FAM135B: variants seen among roughly 807,000 people sequenced by gnomAD.
The protein encoded by FAM135B is protein FAM135B.
FAM135B carries 43 observed loss-of-function variants against 127.7 expected under a neutral mutation model. The observed-to-expected ratio is 0.34, with a 90% CI of 0.26 to 0.43. The LOEUF (loss-of-function observed/expected upper bound fraction) is 0.43, where lower values mean the gene tolerates loss of function less well. FAM135B is among the 20% of genes least tolerant of loss of function. The probability of loss-of-function intolerance (pLI) is 1.00; values close to 1 mark genes in which losing one functional copy is unlikely to be tolerated. For missense variants in FAM135B, 1,558 were observed against 1,725.6 expected (o/e 0.90, Z 1.72); for synonymous variants, 670 against 665.1 (o/e 1.01, Z -0.11).
At chr8:138,257,620 T>C (rs1563828199) in intron 4 of FAM135B, among the ~76,000 whole-genome samples, 1 of 152,016 alleles carries the variant, frequency 6.6e-6, no homozygotes, top group Non-Finnish European at 1.5e-5. Flanking sequence ...CTTGGTCTCC[T>C]CCTCATTCAC....
intron 1 of FAM135B, among the ~76,000 whole-genome samples, chr8:138,455,055 A>G (rs1019193584): frequency 2.0e-5 from 3 of 152,252 alleles, no homozygotes; most frequent in African/African-American, 7.2e-5. Flanking sequence ...CAAGCCATTC[A>G]GAGTGTAAAT....
chr8:138,390,117 G>T (rs1832459755), intron 1 of FAM135B, among the ~76,000 whole-genome samples: 1 of 152,096 alleles, frequency 6.6e-6, no homozygotes, highest in African/African-American at 2.4e-5. Context: ...TGGAATATTT[G>T]GGGACATACT....
chr8:138,136,063 A>T (rs1816635587), intron 19 of FAM135B, among the ~76,000 whole-genome samples: 1 of 152,094 alleles, frequency 6.6e-6, no homozygotes, highest in African/African-American at 2.4e-5. Context: ...TCAGAAAAAA[A>T]GAATCATTTT....
intron 2 of FAM135B, among the ~76,000 whole-genome samples, chr8:138,335,692 T>A (rs201126485): frequency 4.6e-5 from 7 of 152,050 alleles, no homozygotes; most frequent in Non-Finnish European, 4.4e-5. Context: ...CATTAGACAG[T>A]TCAACGAGAC....
At chr8:138,291,435 C>T (rs1023600889) in intron 3 of FAM135B, among the ~76,000 whole-genome samples, 2 of 152,190 alleles carry the variant, frequency 1.3e-5, no homozygotes, top group Non-Finnish European at 1.5e-5. Context: ...CACTTCCAAA[C>T]TCATTTTTTG....
intron 1 of FAM135B, among the ~76,000 whole-genome samples, chr8:138,424,414 AGT>A (rs1464817529): frequency 3.9e-5 from 6 of 152,240 alleles, no homozygotes; most frequent in Admixed American, 3.3e-4. Context: ...TTCCCACAAC[AGT>A]GAGAAAGACA....
At chr8:138,216,145 T>C (rs736) in intron 7 of FAM135B, among the ~76,000 whole-genome samples, 113,692 of 152,014 alleles carry the variant, frequency 0.75, 42,662 homozygotes, top group East Asian at 0.83. Flanking sequence ...TCATATCAAC[T>C]CCAGGAATAG....
intron 1 of FAM135B, among the ~76,000 whole-genome samples, chr8:138,447,390 G>A (rs62527831): frequency 6.6e-6 from 1 of 152,102 alleles, no homozygotes; most frequent in East Asian, 1.9e-4. Flanking sequence ...CAATAGCAAA[G>A]ACTTGGAACC....
At chr8:138,285,742 C>G (rs1052168955) in intron 3 of FAM135B, among the ~76,000 whole-genome samples, 4 of 152,140 alleles carry the variant, frequency 2.6e-5, no homozygotes, top group Non-Finnish European at 2.9e-5. Context: ...TTTATTGTGT[C>G]TTAAACTTTA....
chr8:138,197,945 A>G (rs549567614), intron 7 of FAM135B, among the ~76,000 whole-genome samples: 1 of 152,302 alleles, frequency 6.6e-6, no homozygotes, highest in South Asian at 2.1e-4. Flanking sequence ...ATAAAATAGC[A>G]ACAATAATAA....
At chr8:138,261,182 C>T (rs1273202642) in intron 4 of FAM135B, among the ~76,000 whole-genome samples, 2 of 152,108 alleles carry the variant, frequency 1.3e-5, no homozygotes, top group Admixed American at 1.3e-4. Context: ...AAGCCCACCT[C>T]TGTCTGAATC....
intron 2 of FAM135B, among the ~76,000 whole-genome samples, chr8:138,346,222 C>A (rs887394151): frequency 1.3e-5 from 2 of 152,186 alleles, no homozygotes; most frequent in African/African-American, 4.8e-5. Flanking sequence ...ATTAGTTCAA[C>A]CATTGTGGAA....
chr8:138,348,888 A>C (rs1829595032), intron 2 of FAM135B, among the ~76,000 whole-genome samples: 1 of 152,252 alleles, frequency 6.6e-6, no homozygotes, highest in Non-Finnish European at 1.5e-5. Flanking sequence ...CAGGTTTGTC[A>C]ACACGTGCCC....
rs1443586925 is a variant in FAM135B at position 138,310,895 on chromosome 8, T to G, written c.103A>C (p.Lys35Gln). The G allele has an allele frequency of 1.2e-6, 2 of 1,613,600 alleles. No homozygotes were observed. The highest frequency in any genetic ancestry group is 4.5e-5 in the East Asian group (2 of 44,864). ...CTGTGGGGGATCCTTGAAGACACCT[T>G]CAAGGTCACTCGGATCTGGTAATAC... Reference protein sequence around the residue: ...RGYYQIRVTLKVSSRIPHRLS... With the variant: ...RGYYQIRVTLQVSSRIPHRLS... Residue 35 changes from lysine to glutamine, a missense_variant, in exon 3 of 20, where the codon AAG becomes CAG. Transcript: ENST00000395297.
In FAM135B at chr8:138,130,214, T is replaced by G. The variant is rs1816089452; in HGVS notation, c.*2379A>C. On this transcript the variant is annotated 3_prime_UTR_variant, in exon 20 of 20. Coordinates refer to ENST00000395297, the MANE Select transcript of FAM135B (RefSeq NM_015912.4). ...ATAATATATATTTATATATATTTTA[T>G]GTATATATATTTATATATTCGATAT... 1 of 149,652 alleles carries G rather than the reference T, an allele frequency of 6.7e-6. No individual in the cohort carries two copies. Among genetic ancestry groups the G allele is most frequent in the South Asian group, 2.1e-4 (1 of 4,806 alleles). The allele number at this position is 149,652 out of a possible 1,614,324, so 9.3% of individuals were successfully genotyped here.
intron 1 of FAM135B, among the ~76,000 whole-genome samples, chr8:138,485,521 T>C (rs1376071037): frequency 2.0e-5 from 3 of 152,242 alleles, no homozygotes; most frequent in Non-Finnish European, 4.4e-5. Context: ...ATAGAAGCTG[T>C]TTAATTTTAT....
At chr8:138,372,257 C>T (rs564496669) in intron 1 of FAM135B, among the ~76,000 whole-genome samples, 1 of 152,332 alleles carries the variant, frequency 6.6e-6, no homozygotes, top group South Asian at 2.1e-4. Context: ...CTCCCTGGAA[C>T]CCTAGTTACT....
At chr8:138,477,572 T>G (rs1814554855) in intron 1 of FAM135B, 1 of 152,184 alleles carries the variant, frequency 6.6e-6, no homozygotes, top group Admixed American at 6.5e-5. Flanking sequence ...TTTTTGTAAA[T>G]GTAAGCTGAT....
intron 7 of FAM135B, among the ~76,000 whole-genome samples, chr8:138,240,253 C>T (rs1339034261): frequency 6.6e-6 from 1 of 152,214 alleles, no homozygotes; most frequent in African/African-American, 2.4e-5. Flanking sequence ...CTTTCTACCG[C>T]ATTGTAACAG....
Sources: gnomAD v4.1 joint callset for allele counts (sites outside exome capture counted in the v4.1 genomes callset) on GRCh38, gnomAD v4.1.1 for gene constraint, MANE v1.5 for transcripts, NCBI Gene and HGNC (gene_info 2026-07-23, HGNC 2026-07-21) for gene names.